Variants in RP1 observed in about 807,000 individuals in gnomAD.
RP1 encodes the protein oxygen-regulated protein 1.
In RP1, 16 loss-of-function variants were observed where a neutral mutation model predicts 14.8. The observed-to-expected ratio is 1.08, with a 90% CI of 0.73 to 1.65. RP1 has a LOEUF of 1.65. RP1 is among the 40% of genes most tolerant of loss of function. The probability of loss-of-function intolerance (pLI) is 0.00; values close to 1 mark genes in which losing one functional copy is unlikely to be tolerated. For synonymous variants in RP1, 876 were observed against 883.6 expected (o/e 0.99, Z 0.15); for missense variants, 2,631 against 2,535.0 (o/e 1.04, Z -0.81).
chr8:54,574,348 G>T (rs532113263), intron 1 of RP1, among the ~76,000 whole-genome samples: 48 of 152,252 alleles, frequency 3.2e-4, no homozygotes, highest in African/African-American at 1.1e-3. Flanking sequence ...CCCATTCCAC[G>T]CATGGCTATT....
chr8:54,803,711 G>A (rs1159290704), intron 24 of RP1, among the ~76,000 whole-genome samples: 1 of 152,086 alleles, frequency 6.6e-6, no homozygotes, highest in Non-Finnish European at 1.5e-5. Flanking sequence ...AGTGTTATGG[G>A]AATATACGCA....
chr8:54,866,282 T>C (rs561414745), intron 28 of RP1, among the ~76,000 whole-genome samples: 1 of 152,308 alleles, frequency 6.6e-6, no homozygotes, highest in African/African-American at 2.4e-5. Flanking sequence ...ATATGGAAGA[T>C]GGCAATAATA....
At chr8:54,832,796 G>T (rs1235647325) in intron 24 of RP1, among the ~76,000 whole-genome samples, 1 of 151,880 alleles carries the variant, frequency 6.6e-6, no homozygotes, top group African/African-American at 2.4e-5. Context: ...TTTATGCCTT[G>T]TTAGGACAGG....
At chr8:54,606,471 T>C (rs1280798335) in intron 1 of RP1, among the ~76,000 whole-genome samples, 5 of 152,110 alleles carry the variant, frequency 3.3e-5, no homozygotes, top group Non-Finnish European at 2.9e-5. Flanking sequence ...TGGCTGCCCT[T>C]AACATTTATT....
chr8:54,839,872 G>A (rs1332581246), intron 25 of RP1, among the ~76,000 whole-genome samples: 2 of 152,158 alleles, frequency 1.3e-5, no homozygotes, highest in East Asian at 3.8e-4. Context: ...CTTTATATTT[G>A]TATATATTTT....
chr8:54,672,502 CA>C (rs751952474), intron 7 of RP1, among the ~76,000 whole-genome samples: 1 of 151,692 alleles, frequency 6.6e-6, no homozygotes, highest in African/African-American at 2.4e-5. Context: ...CTAAAGTTTT[CA>C]AAAAAAGAGT....
At chr8:54,636,247 GT>G (rs1313790697) in intron 3 of RP1, among the ~76,000 whole-genome samples, 3 of 152,320 alleles carry the variant, frequency 2.0e-5, no homozygotes, top group Middle Eastern at 3.4e-3. Flanking sequence ...AAAACAGTTT[GT>G]TGTGAGAGGG....
chr8:54,635,012 G>A (rs1314137237), downstream of RP1, among the ~76,000 whole-genome samples: 1 of 151,706 alleles, frequency 6.6e-6, no homozygotes, highest in Non-Finnish European at 1.5e-5. Flanking sequence ...AACCCAGGAG[G>A]CGGAGCTTGC....
intron 1 of RP1, among the ~76,000 whole-genome samples, chr8:54,600,669 A>G (rs750893775): frequency 5.4e-4 from 82 of 152,268 alleles, no homozygotes; most frequent in Non-Finnish European, 7.1e-4. Flanking sequence ...GAGGCTTCCC[A>G]AGGCAGATAA....
At chr8:54,847,338 C>G (rs1309920618) in intron 25 of RP1, among the ~76,000 whole-genome samples, 1 of 152,122 alleles carries the variant, frequency 6.6e-6, no homozygotes, top group Non-Finnish European at 1.5e-5. Flanking sequence ...AACTGTCTTC[C>G]CCCAAGAAAT....
At chr8:54,622,911 G>A (rs1051451348) in intron 3 of RP1, among the ~76,000 whole-genome samples, 4 of 152,186 alleles carry the variant, frequency 2.6e-5, no homozygotes, top group Non-Finnish European at 5.9e-5. Flanking sequence ...TGTGGGATAA[G>A]CTGTAAATTG....
intron 19 of RP1, among the ~76,000 whole-genome samples, chr8:54,742,553 C>A (rs1809124269): frequency 6.6e-6 from 1 of 152,132 alleles, no homozygotes; most frequent in Admixed American, 6.5e-5. Context: ...CTAATACATG[C>A]CCTGCATTAT....
chr8:54,597,414 A>G (rs947945492), intron 1 of RP1, among the ~76,000 whole-genome samples: 3 of 152,158 alleles, frequency 2.0e-5, no homozygotes, highest in African/African-American at 7.2e-5. Context: ...GAGTACATAA[A>G]TACATGTTGT....
intron 24 of RP1, among the ~76,000 whole-genome samples, chr8:54,800,532 G>A (rs1810681023): frequency 2.0e-5 from 3 of 151,750 alleles, no homozygotes; most frequent in Non-Finnish European, 2.9e-5. Context: ...CAATGTTCTC[G>A]GATGCTCTGT....
chr8:54,581,239 A>G (rs1804785787), intron 1 of RP1, among the ~76,000 whole-genome samples: 2 of 150,434 alleles, frequency 1.3e-5, no homozygotes, highest in Admixed American at 6.6e-5. Flanking sequence ...CCCACCTATG[A>G]GTGAGAAGAT....
intron 27 of RP1, among the ~76,000 whole-genome samples, chr8:54,862,599 A>G (rs1812369849): frequency 6.6e-6 from 1 of 152,160 alleles, no homozygotes. Flanking sequence ...GCAAAGAGAG[A>G]GCCATTCCCA....
chr8:54,666,494 G>T (rs1300559157), intron 7 of RP1, among the ~76,000 whole-genome samples: 1 of 152,054 alleles, frequency 6.6e-6, no homozygotes, highest in Non-Finnish European at 1.5e-5. Flanking sequence ...TGGGAGCTAT[G>T]AAAGTTGGGA....
At chr8:54,582,639 G>C (rs1804823717) in intron 1 of RP1, among the ~76,000 whole-genome samples, 1 of 152,122 alleles carries the variant, frequency 6.6e-6, no homozygotes, top group African/African-American at 2.4e-5. Context: ...CCATGAGCAT[G>C]GAATGTTCTT....
chr8:54,685,778 T>C (rs1025269998), intron 12 of RP1, among the ~76,000 whole-genome samples: 5 of 152,202 alleles, frequency 3.3e-5, no homozygotes, highest in African/African-American at 1.2e-4. Context: ...GACACCCCTC[T>C]TCTCAGTTTT....
Sources: allele counts gnomAD v4.1 joint callset (sites outside exome capture counted in the v4.1 genomes callset), GRCh38; gene constraint gnomAD v4.1.1; transcripts MANE v1.5; gene names NCBI Gene and HGNC (gene_info 2026-07-23, HGNC 2026-07-21).